The following NBEAL1 variants were observed in gnomAD, a reference collection of about 807,000 sequenced individuals.
NBEAL1 encodes neurobeachin-like protein 1.
NBEAL1 carries 273 observed loss-of-function variants against 351.3 expected under a neutral mutation model. The observed-to-expected ratio is 0.78, with a 90% confidence interval of 0.70 to 0.86. NBEAL1 has a LOEUF of 0.86. NBEAL1 is among the 40% of genes least tolerant of loss of function. The probability of loss-of-function intolerance (pLI) is 0.00; values close to 1 mark genes in which losing one functional copy is unlikely to be tolerated. For missense variants in NBEAL1, 2,961 were observed against 3,201.3 expected, an observed-to-expected ratio of 0.92 and a Z score of 1.81; for synonymous variants, 1,050 against 1,086.4, an observed-to-expected ratio of 0.97 and a Z score of 0.66.
At chr2:203,041,617 G>A (rs762623425) in intron 2 of NBEAL1, 148 bp from the exon 3 acceptor site, 1 of 609,874 alleles carries the variant, frequency 1.6e-6, no homozygotes, top group Non-Finnish European at 2.9e-6. Context: ...TATACTTAAT[G>A]TACATTTTAA....
At chr2:203,128,903 G>A (rs1303169811) in intron 24 of NBEAL1, among the ~76,000 whole-genome samples, 1 of 151,976 alleles carries the variant, frequency 6.6e-6, no homozygotes, top group Non-Finnish European at 1.5e-5. Context: ...GCCATTAGTA[G>A]GTAGATTTCT....
At chr2:203,147,603 G>C (rs983821386) in intron 33 of NBEAL1, among the ~76,000 whole-genome samples, 2 of 151,992 alleles carry the variant, frequency 1.3e-5, no homozygotes, top group Admixed American at 6.6e-5. Context: ...TATATATTTG[G>C]TTAAGCCAAA....
At chr2:203,160,296 G>T (rs2063912937) in intron 36 of NBEAL1, among the ~76,000 whole-genome samples, 1 of 152,028 alleles carries the variant, frequency 6.6e-6, no homozygotes, top group Non-Finnish European at 1.5e-5. Flanking sequence ...GGCCAGGCTG[G>T]TCTCAAACTC....
chr2:203,150,072 G>A (rs1457312738), intron 34 of NBEAL1, among the ~76,000 whole-genome samples: 1 of 152,068 alleles, frequency 6.6e-6, no homozygotes, highest in Non-Finnish European at 1.5e-5. Flanking sequence ...CTTGAGTATA[G>A]ACTATGAATG....
chr2:203,100,807 A>G (rs6741726), intron 12 of NBEAL1, among the ~76,000 whole-genome samples: 140,396 of 152,172 alleles, frequency 0.92, 65,137 homozygotes, highest in Non-Finnish European at 0.97. Flanking sequence ...CTCGACCTCC[A>G]AAAGTACTGG....
intron 38 of NBEAL1, 133 bp from the exon 39 acceptor site, chr2:203,169,614 A>G: frequency 2.0e-6 from 1 of 489,594 alleles, no homozygotes; most frequent in South Asian, 2.4e-5. Context: ...TCAACAAAAC[A>G]AAACAAAACA....
chr2:203,141,980 A>G (rs368599519), intron 31 of NBEAL1, among the ~76,000 whole-genome samples: 7 of 152,318 alleles, frequency 4.6e-5, no homozygotes, highest in African/African-American at 1.7e-4. Flanking sequence ...TGATTCATTT[A>G]GTTGTATATA....
At chr2:203,161,493 G>T (rs1242847470) in intron 36 of NBEAL1, among the ~76,000 whole-genome samples, 4 of 151,604 alleles carry the variant, frequency 2.6e-5, no homozygotes, top group Admixed American at 2.6e-4. Context: ...GCCAGGCATG[G>T]TGGCACGTGC....
At chr2:203,043,499 G>C (rs2061176252) in intron 3 of NBEAL1, among the ~76,000 whole-genome samples, 1 of 152,092 alleles carries the variant, frequency 6.6e-6, no homozygotes, top group South Asian at 2.1e-4. Flanking sequence ...CCAGCACTTT[G>C]GGAGGTTGAG....
intron 44 of NBEAL1, among the ~76,000 whole-genome samples, chr2:203,186,410 C>T (rs947311857): frequency 3.3e-5 from 5 of 152,182 alleles, no homozygotes; most frequent in Admixed American, 6.5e-5. Context: ...TAAACAGACA[C>T]TCCCATTCAA....
At chr2:203,155,043 G>A (rs1291145026) in intron 35 of NBEAL1, among the ~76,000 whole-genome samples, 1 of 150,982 alleles carries the variant, frequency 6.6e-6, no homozygotes, top group Non-Finnish European at 1.5e-5. Flanking sequence ...CCAGGAGTTC[G>A]AGACCAGTCT....
intron 51 of NBEAL1, among the ~76,000 whole-genome samples, chr2:203,203,681 G>A (rs563101792): frequency 9.2e-5 from 14 of 151,954 alleles, no homozygotes; most frequent in Non-Finnish European, 1.6e-4. Flanking sequence ...ACTCCAGCCC[G>A]GGTGACTGAG....
chr2:203,157,016 C>G (rs977727992), intron 35 of NBEAL1, among the ~76,000 whole-genome samples: 8 of 152,006 alleles, frequency 5.3e-5, no homozygotes, highest in African/African-American at 1.4e-4. Flanking sequence ...ACATAACAAC[C>G]TTGTGATGAA....
At chr2:203,100,700 C>T (rs990154210) in intron 12 of NBEAL1, among the ~76,000 whole-genome samples, 2 of 151,922 alleles carry the variant, frequency 1.3e-5, no homozygotes, top group African/African-American at 4.8e-5. Context: ...GTGTGCACCA[C>T]CACAGCCCGG....
rs1478545435 is a variant in NBEAL1 at position 203,197,855 on chromosome 2, G to T, written c.7128+464G>T. ...ATCCAGGAGGTGGAGGTTGCAGTGA[G>T]CCAAGATCGCGCCACTGCACTCCAG... On this transcript the variant is annotated intron_variant, in intron 48 of 55. Transcript: ENST00000683969. Among the ~76,000 whole-genome samples, 5 of 152,184 alleles carry T rather than the reference G, an allele frequency of 3.3e-5. No individual in the cohort carries two copies. In the East Asian group the frequency reaches 9.6e-4, roughly 29 times the overall value.
chr2:203,126,200 G>T, intron 21 of NBEAL1, 107 bp downstream of exon 21: 1 of 1,145,146 alleles, frequency 8.7e-7, no homozygotes, highest in South Asian at 1.6e-5. Flanking sequence ...ATTACAACTT[G>T]AATTATATTA....
chr2:203,136,101 G>A lies in NBEAL1; in HGVS notation c.4238G>A (p.Ser1413Asn), dbSNP rs186405182. The A allele has an allele frequency of 6.2e-7, 1 of 1,614,118 alleles. No homozygotes were observed. The highest frequency in any genetic ancestry group is 1.3e-5 in the African/African-American group (1 of 75,046). ...DLSGIDSCEM[S>N]DSGSQVPDSL... ...AGTGGAATTGACTCATGTGAAATGA[G>A]TGATAGTGGAAGTCAAGTGCCAGAC... is the stretch of plus-strand genomic sequence containing the variant. The change falls in exon 28 of 56, where the codon AGT (serine) becomes AAT (asparagine). Residue 1413 changes from serine to asparagine, a missense_variant. Coordinates refer to ENST00000683969, the MANE Select transcript of NBEAL1 (RefSeq NM_001378026.1).
chr2:203,172,572 T>C (rs1027664696), intron 40 of NBEAL1, among the ~76,000 whole-genome samples, 157 bp from the exon 41 acceptor site: 1 of 152,166 alleles, frequency 6.6e-6, no homozygotes, highest in African/African-American at 2.4e-5. Context: ...ATAATGCTTC[T>C]GGTTATTGAA....
In NBEAL1 at chr2:203,221,976, C is replaced by T. The variant is rs2065958642; in HGVS notation, c.*4622C>T. 6.6e-6 allele frequency among the ~76,000 whole-genome samples: 1 copy of T among 152,132 alleles called. No homozygotes were observed. The highest frequency in any genetic ancestry group is 2.1e-4 in the South Asian group (1 of 4,830). ...GGCTGAGGCAGGAGGATCACTGGAGCCTAGGAGCTCAAGACCAGCCTGGGC... is the reference window on the plus strand; with the variant it reads ...GGCTGAGGCAGGAGGATCACTGGAGTCTAGGAGCTCAAGACCAGCCTGGGC... On this transcript the variant is annotated 3_prime_UTR_variant, in exon 56 of 56. Coordinates refer to ENST00000683969, the MANE Select transcript of NBEAL1 (RefSeq NM_001378026.1).
Sources: allele counts gnomAD v4.1 joint callset (sites outside exome capture counted in the v4.1 genomes callset), GRCh38; gene constraint gnomAD v4.1.1; transcripts MANE v1.5; gene names NCBI Gene and HGNC (gene_info 2026-07-23, HGNC 2026-07-21).